The following C2CD5 variants were observed in gnomAD, a reference collection of about 807,000 sequenced individuals.
The protein encoded by C2CD5 is C2 calcium dependent domain containing 5.
A neutral mutation model predicts 130.3 loss-of-function variants in C2CD5; 109 were observed. The observed-to-expected ratio is 0.84, with a 90% confidence interval of 0.72 to 0.98. The LOEUF (loss-of-function observed/expected upper bound fraction) is 0.98, where lower values mean the gene tolerates loss of function less well. Among genes scored for constraint, C2CD5 ranks in the 50% least tolerant of loss-of-function variants. The pLI, the probability that C2CD5 is intolerant of heterozygous loss-of-function variation, is 0.00. For synonymous variants in C2CD5, 454 were observed against 429.2 expected (o/e 1.06, Z -0.71); for missense variants, 996 against 1,261.8 (o/e 0.79, Z 3.19).
intron 22 of C2CD5, among the ~76,000 whole-genome samples, chr12:22,462,240 C>T (rs1401232938): frequency 1.3e-5 from 2 of 152,168 alleles, no homozygotes; most frequent in Non-Finnish European, 2.9e-5. Context: ...CTGAGTTGTG[C>T]TCACTTGTGT....
intron 7 of C2CD5, among the ~76,000 whole-genome samples, chr12:22,521,933 G>T (rs1950305367): frequency 6.6e-6 from 1 of 152,064 alleles, no homozygotes; most frequent in South Asian, 2.1e-4. Flanking sequence ...CCTGACTACT[G>T]AACTGGGAAA....
intron 22 of C2CD5, among the ~76,000 whole-genome samples, chr12:22,461,713 T>G (rs560773431): frequency 5.5e-4 from 83 of 152,220 alleles, no homozygotes; most frequent in African/African-American, 1.5e-3. Flanking sequence ...CATGTATTAC[T>G]TTTACCCAGT....
In C2CD5 at chr12:22,449,043, T is replaced by A. The variant is rs1937983618; in HGVS notation, c.*717A>T. 6.6e-6 allele frequency: 1 copy of A among 152,222 alleles called. No homozygotes were observed. The allele number at this position is 152,222 out of a possible 1,614,324, so 9.4% of individuals were successfully genotyped here. ...TTATCCCAGTTGAAGTCAAGCCTCT[T>A]TTAGACAAAGTCAATACTAACTCAA... On this transcript the variant is annotated 3_prime_UTR_variant, in exon 27 of 27. Transcript: ENST00000446597.
At chr12:22,477,455 A>G (rs1944005637) in intron 15 of C2CD5, 1 of 152,202 alleles carries the variant, frequency 6.6e-6, no homozygotes, top group Non-Finnish European at 1.5e-5. Context: ...CCAGAAGACC[A>G]GCCAAAATTA....
chr12:22,497,416 A>G, intron 10 of C2CD5, among the ~76,000 whole-genome samples: 1 of 140,592 alleles, frequency 7.1e-6, no homozygotes, highest in African/African-American at 3.3e-5. Context: ...AATACAAACA[A>G]ATATTGTTTA....
intron 16 of C2CD5, among the ~76,000 whole-genome samples, chr12:22,473,666 T>C (rs1943393012): frequency 6.6e-6 from 1 of 152,152 alleles, no homozygotes; most frequent in African/African-American, 2.4e-5. Context: ...AGGTAATGTT[T>C]GGCATCACCT....
intron 4 of C2CD5, 54 bp from the exon 5 acceptor site, chr12:22,525,759 T>C: frequency 1.2e-6 from 1 of 840,194 alleles, no homozygotes. Context: ...AATGTACAAT[T>C]AAATAATGAA....
chr12:22,518,142 CAGA>C lies in C2CD5; in HGVS notation c.801-8_801-6del. 6.2e-7 allele frequency: 1 copy of C among 1,613,274 alleles called. No individual in the cohort carries two copies. The highest frequency in any genetic ancestry group is 8.5e-7 in the Non-Finnish European group (1 of 1,179,432). ...GGATCTTCATTGAAGGGAATCCTGC[CAGA>C]AGAAGGTGGAGAAATATTAAGTAAT... On this transcript the variant is annotated splice_polypyrimidine_tract_variant and splice_region_variant and intron_variant, in intron 7 of 26. Coordinates refer to ENST00000446597, the MANE Select transcript of C2CD5 (RefSeq NM_001286176.2).
At chr12:22,508,057 T>C (rs147381314) in intron 9 of C2CD5, among the ~76,000 whole-genome samples, 1 of 152,288 alleles carries the variant, frequency 6.6e-6, no homozygotes, top group Non-Finnish European at 1.5e-5. Context: ...GCAGCAAGAA[T>C]TATTCACTGG....
At chr12:22,528,257 G>A (rs1223628157) in intron 3 of C2CD5, among the ~76,000 whole-genome samples, 1 of 152,156 alleles carries the variant, frequency 6.6e-6, no homozygotes, top group Non-Finnish European at 1.5e-5. Flanking sequence ...ATAGAGAGAA[G>A]AATGCTAATT....
In C2CD5 at chr12:22,449,612, T is replaced by C. The variant is rs74068581; in HGVS notation, c.*148A>G. 11,057 of 661,508 alleles carry C rather than the reference T, an allele frequency of 0.017. 981 individuals are homozygous for C. In the African/African-American group the frequency reaches 0.18, roughly 11 times the overall value. The allele number at this position is 661,508 out of a possible 1,614,324, so 41.0% of individuals were successfully genotyped here. On this transcript the variant is annotated 3_prime_UTR_variant, in exon 27 of 27. Coordinates refer to ENST00000446597, the MANE Select transcript of C2CD5 (RefSeq NM_001286176.2). Reference sequence around the variant, plus strand: ...AAATGTCAAGATTAGAAAATTCTCATGCCTCCAAAAGACTCCAGGCAAATC... The same window carrying C: ...AAATGTCAAGATTAGAAAATTCTCACGCCTCCAAAAGACTCCAGGCAAATC...
chr12:22,523,933 TCA>T (rs1950505424), intron 6 of C2CD5, among the ~76,000 whole-genome samples: 1 of 152,036 alleles, frequency 6.6e-6, no homozygotes, highest in African/African-American at 2.4e-5. Flanking sequence ...GAATATATAT[TCA>T]CACATATACA....
chr12:22,493,579 A>G (rs1185459730), intron 10 of C2CD5, among the ~76,000 whole-genome samples: 3 of 152,096 alleles, frequency 2.0e-5, no homozygotes, highest in African/African-American at 7.2e-5. Flanking sequence ...TATCTATAGG[A>G]ATATATGATT....
At chr12:22,495,724 T>C (rs1946928360) in intron 10 of C2CD5, among the ~76,000 whole-genome samples, 1 of 151,952 alleles carries the variant, frequency 6.6e-6, no homozygotes. Flanking sequence ...AGCTAAAGAG[T>C]TACATAACAT....
At chr12:22,521,935 A>C (rs1015640485) in intron 7 of C2CD5, among the ~76,000 whole-genome samples, 7 of 152,146 alleles carry the variant, frequency 4.6e-5, no homozygotes, top group African/African-American at 1.7e-4. Flanking sequence ...TGACTACTGA[A>C]CTGGGAAACA....
intron 26 of C2CD5, among the ~76,000 whole-genome samples, chr12:22,450,809 A>G (rs1938423538): frequency 6.6e-6 from 1 of 152,076 alleles, no homozygotes; most frequent in Non-Finnish European, 1.5e-5. Flanking sequence ...AATAACCTAA[A>G]TATTTATCAG....
At chr12:22,482,947 T>C (rs1944935095) in intron 13 of C2CD5, among the ~76,000 whole-genome samples, 1 of 152,118 alleles carries the variant, frequency 6.6e-6, no homozygotes, top group African/African-American at 2.4e-5. Context: ...TACAAAAAAA[T>C]AGGAAGAATG....
In C2CD5 at chr12:22,457,232, A is replaced by T. The variant is rs566202925; in HGVS notation, c.2687-71T>A. The T allele has an allele frequency of 1.4e-4, 147 of 1,077,024 alleles. 2 individuals are homozygous for T. The South Asian group carries it at 2.5e-3, about 18-fold the overall frequency. The allele number at this position is 1,077,024 out of a possible 1,614,324, so 66.7% of individuals were successfully genotyped here. ...AACACAATTATTCCCTGAGGTTTCC[A>T]AATAAGTGGTGACAACATTCAGCTG... is the stretch of plus-strand genomic sequence containing the variant. On this transcript the variant is annotated intron_variant, in intron 24 of 26. Transcript: ENST00000446597.
chr12:22,534,802 T>TACAC (rs1951670278), intron 3 of C2CD5: 1 of 154,770 alleles, frequency 6.5e-6, no homozygotes, highest in South Asian at 2.0e-4. Flanking sequence ...GGTTAGTGAG[T>TACAC]ACACAATTTC....
Sources: gnomAD v4.1 joint callset for allele counts (sites outside exome capture counted in the v4.1 genomes callset) on GRCh38, gnomAD v4.1.1 for gene constraint, MANE v1.5 for transcripts, NCBI Gene and HGNC (gene_info 2026-07-23, HGNC 2026-07-21) for gene names.